The following YTHDF2 variants were observed in gnomAD, a reference collection of about 807,000 sequenced individuals.
YTHDF2 encodes YTH N6-methyladenosine RNA binding protein F2, also known as YTH domain-containing family protein 2.
In YTHDF2, 2 loss-of-function variants were observed where a neutral mutation model predicts 50.4. The ratio of observed to expected loss-of-function variants is 0.04; its 90% CI spans 0.02 to 0.12. The LOEUF is 0.12. Ranked by LOEUF, YTHDF2 falls within the 10% of genes least tolerant of loss-of-function variation. The probability of loss-of-function intolerance (pLI) is 1.00; values close to 1 mark genes in which losing one functional copy is unlikely to be tolerated. For synonymous variants in YTHDF2, 217 were observed against 255.6 expected (o/e 0.85, Z 1.44); for missense variants, 483 against 722.6 (o/e 0.67, Z 3.80).
intron 4 of YTHDF2, among the ~76,000 whole-genome samples, chr1:28,753,165 C>T (rs867328253): frequency 6.6e-6 from 1 of 151,684 alleles, no homozygotes; most frequent in Non-Finnish European, 1.5e-5. Flanking sequence ...TGGAGAGCCA[C>T]TGAGTCTCTA....
At chr1:28,765,425 TAAAA>T (rs568796827) in intron 4 of YTHDF2, among the ~76,000 whole-genome samples, 1 of 94,712 alleles carries the variant, frequency 1.1e-5, no homozygotes, top group Non-Finnish European at 2.2e-5. Flanking sequence ...AATACATTTT[TAAAA>T]AAAGTTTTGA....
intron 4 of YTHDF2, among the ~76,000 whole-genome samples, chr1:28,754,604 G>A (rs1032372509): frequency 1.3e-4 from 20 of 151,890 alleles, no homozygotes; most frequent in Admixed American, 1.1e-3. Flanking sequence ...TGGGTAGTTC[G>A]CAAGGTCAGG....
Position 28,743,159 on chromosome 1 carries a change from G to A in YTHDF2, c.889G>A (p.Gly297Ser). 3 of 1,614,128 alleles carry A rather than the reference G, an allele frequency of 1.9e-6. No individual in the cohort carries two copies. Among genetic ancestry groups the A allele is most frequent in the African/African-American group, 2.7e-5 (2 of 75,026 alleles). Residue 297 changes from glycine (G) to serine (S), a missense_variant, in exon 4 of 5, where the codon GGT becomes AGT. By Grantham distance (56) the Gly-to-Ser change is moderately conservative. Coordinates refer to ENST00000373812, the MANE Select transcript of YTHDF2 (RefSeq NM_016258.3). This position sits in a 1 kb window ranked among gnomAD's most constrained non-coding sequence, Gnocchi z 6.9. ...APSQALVQNI[G>S]QPTQGSPQPV... Reference sequence around the variant, plus strand: ...CTCACAGGCTTTGGTTCAGAATATAGGTCAGCCAACCCAGGGGTCTCCTCA... The same window carrying A: ...CTCACAGGCTTTGGTTCAGAATATAAGTCAGCCAACCCAGGGGTCTCCTCA...
intron 3 of YTHDF2, among the ~76,000 whole-genome samples, chr1:28,740,666 G>A (rs1367156432): frequency 6.6e-6 from 1 of 152,032 alleles, no homozygotes; most frequent in East Asian, 1.9e-4. Context: ...TGTGAAAAGG[G>A]TATGTGTGAA....
intron 4 of YTHDF2, among the ~76,000 whole-genome samples, chr1:28,746,165 GATCTTTTAGGC>G (rs994140678): frequency 1.3e-5 from 2 of 152,190 alleles, no homozygotes; most frequent in Non-Finnish European, 2.9e-5. Flanking sequence ...AGGAGGCCAT[GATCTTTTAGGC>G]ATCTTTTAGT....
intron 4 of YTHDF2, among the ~76,000 whole-genome samples, chr1:28,752,192 T>C (rs1037599309): frequency 6.6e-6 from 1 of 152,242 alleles, no homozygotes; most frequent in African/African-American, 2.4e-5. Context: ...TTAGGTAATA[T>C]TCAAATTCCT....
In YTHDF2 at chr1:28,769,034, T is replaced by A. The variant is rs2088263710; in HGVS notation, c.*82T>A. On this transcript the variant is annotated 3_prime_UTR_variant, in exon 5 of 5. Transcript: ENST00000373812. Reference sequence around the variant, plus strand: ...AAATGACCTTCAAGAGAATTAGGACTTTTTTCTTAATTTCACTGACTTCAG... The same window carrying A: ...AAATGACCTTCAAGAGAATTAGGACATTTTTCTTAATTTCACTGACTTCAG... 8.0e-7 allele frequency: 1 copy of A among 1,249,262 alleles called. No homozygotes were observed. The highest frequency in any genetic ancestry group is 1.5e-5 in the African/African-American group (1 of 65,624). 77.4% of individuals were successfully genotyped at this position (1,249,262 alleles called of 1,614,324 possible). A position where few individuals can be genotyped will look rare whatever the true frequency, so the allele number is the denominator to read the frequency against.
intron 4 of YTHDF2, among the ~76,000 whole-genome samples, chr1:28,755,010 A>C (rs558837173): frequency 1.3e-5 from 2 of 151,690 alleles, no homozygotes; most frequent in African/African-American, 2.4e-5. Flanking sequence ...TCAGAGACTA[A>C]ACGAGATGCT....
chr1:28,737,589 A>C (rs1259637391), intron 1 of YTHDF2, 69 bp from the exon 2 acceptor site: 2 of 1,607,558 alleles, frequency 1.2e-6, no homozygotes, highest in African/African-American at 2.7e-5. Flanking sequence ...GCCCTGCCTT[A>C]ATTTGTTCTT....
intron 4 of YTHDF2, 122 bp downstream of exon 4, chr1:28,744,108 C>G: frequency 9.4e-7 from 1 of 1,069,410 alleles, no homozygotes; most frequent in Non-Finnish European, 1.3e-6. Flanking sequence ...CCTAACAGTT[C>G]AAGGCTTTAT....
At chr1:28,738,552 C>T (rs1318673360) in intron 3 of YTHDF2, among the ~76,000 whole-genome samples, 1 of 152,146 alleles carries the variant, frequency 6.6e-6, no homozygotes, top group Non-Finnish European at 1.5e-5. Flanking sequence ...TCAAGCGAAT[C>T]TCCTGTCTCA....
rs370918200 is a variant in YTHDF2, at chr1:28,743,667, A to G, written c.1397A>G (p.His466Arg). The change falls in exon 4 of 5, where the codon CAC (histidine) becomes CGC (arginine). Residue 466 changes from histidine to arginine, a missense_variant. Physicochemically the swap from His to Arg is conservative, Grantham distance 29. Around this residue, in one of 4 missense-constraint regions of YTHDF2, gnomAD observed 59 missense variants for 168.9 expected, o/e 0.35. Transcript: ENST00000373812. This position sits in a 1 kb window ranked among gnomAD's most constrained non-coding sequence, Gnocchi z 6.9. ...YLLFSVNGSG[H>R]FCGVAEMKSA... ...CTTTTCAGTGTCAACGGCAGTGGACACTTCTGTGGCGTGGCAGAAATGAAA... is the reference window on the plus strand; with the variant it reads ...CTTTTCAGTGTCAACGGCAGTGGACGCTTCTGTGGCGTGGCAGAAATGAAA... The G allele has an allele frequency of 1.5e-5, 24 of 1,614,244 alleles. No homozygotes were observed. The highest frequency in any genetic ancestry group is 3.3e-5 in the South Asian group (3 of 91,082).
intron 4 of YTHDF2, among the ~76,000 whole-genome samples, chr1:28,744,259 A>T (rs2087823118): frequency 6.6e-6 from 1 of 151,682 alleles, no homozygotes. Flanking sequence ...ATGCAGAAAG[A>T]GGTGAAGAAT....
chr1:28,746,749 G>T (rs1006691011), intron 4 of YTHDF2, among the ~76,000 whole-genome samples: 16 of 149,998 alleles, frequency 1.1e-4, no homozygotes, highest in Middle Eastern at 3.8e-3. Flanking sequence ...GATAGAGAGA[G>T]ACTCTGTCTA....
chr1:28,748,343 A>G (rs1410652589), intron 4 of YTHDF2, among the ~76,000 whole-genome samples: 1 of 152,164 alleles, frequency 6.6e-6, no homozygotes, highest in Non-Finnish European at 1.5e-5. Flanking sequence ...CTCATAGCTC[A>G]TTGAGATGGT....
At position 28,743,824 on chromosome 1, in the gene YTHDF2, C is replaced by T. The variant is rs775571253; in HGVS notation, c.1554C>T (p.Asn518=). The T allele has an allele frequency of 6.8e-6, 11 of 1,613,812 alleles. No individual in the cohort carries two copies. Among genetic ancestry groups the T allele is most frequent in the South Asian group, 4.4e-5 (4 of 91,016 alleles). ...SQLRHIRLEN[N]ENKPVTNSRD... Reference sequence around the variant, plus strand: ...TGCGACACATTCGCCTAGAGAACAACGAGAATAAACCAGTGACCAACTCTA... The same window carrying T: ...TGCGACACATTCGCCTAGAGAACAATGAGAATAAACCAGTGACCAACTCTA... The change falls in exon 4 of 5, where the codon AAC becomes AAT. Residue 518 remains asparagine (N), a synonymous_variant. Coordinates refer to ENST00000373812, the MANE Select transcript of YTHDF2 (RefSeq NM_016258.3). The surrounding 1 kb of genome is among the most constrained non-coding windows in gnomAD (Gnocchi z 6.9).
At chr1:28,755,077 C>T (rs1044245432) in intron 4 of YTHDF2, among the ~76,000 whole-genome samples, 10 of 151,042 alleles carry the variant, frequency 6.6e-5, no homozygotes, top group Non-Finnish European at 8.8e-5. Flanking sequence ...ACAGTGGGAA[C>T]GGGAAACTGG....
chr1:28,762,320 A>G (rs1390199994), intron 4 of YTHDF2, among the ~76,000 whole-genome samples: 1 of 152,080 alleles, frequency 6.6e-6, no homozygotes, highest in Non-Finnish European at 1.5e-5. Flanking sequence ...TGAACCCGGG[A>G]GGTGGAGCTT....
intron 4 of YTHDF2, among the ~76,000 whole-genome samples, chr1:28,752,342 G>T (rs1406277304): frequency 1.3e-5 from 2 of 152,100 alleles, no homozygotes. Flanking sequence ...TTGTTGCCCA[G>T]GCTGGAGTGC....
Sources: gnomAD v4.1 joint callset for allele counts (sites outside exome capture counted in the v4.1 genomes callset) on GRCh38, gnomAD v4.1.1 for gene constraint, gnomAD v4.1.1 regional missense constraint, Gnocchi (gnomAD v3.1) non-coding constraint, MANE v1.5 for transcripts, NCBI Gene and HGNC (gene_info 2026-07-23, HGNC 2026-07-21) for gene names.